The following ERC2 variants were observed in gnomAD, a reference collection of about 807,000 sequenced individuals.
The protein encoded by ERC2 is ELKS/RAB6-interacting/CAST family member 2, also known as ERC protein 2.
Under a neutral mutation model 114.8 loss-of-function variants are expected in ERC2, and 42 were observed. The observed-to-expected ratio is 0.37, with a 90% CI of 0.29 to 0.47. The LOEUF (loss-of-function observed/expected upper bound fraction) is 0.47, where lower values mean the gene tolerates loss of function less well. ERC2 is among the 20% of genes least tolerant of loss of function. The pLI is 0.99. For missense variants in ERC2, 939 were observed against 1,150.7 expected, an observed-to-expected ratio of 0.82 and a Z score of 2.66; for synonymous variants, 454 against 425.5, an observed-to-expected ratio of 1.07 and a Z score of -0.82.
In ERC2 at chr3:55,992,116, G is replaced by A. The variant is rs1207007057; in HGVS notation, c.2196C>T (p.Ile732=). ...TCTTCTCATTCTCCACCTCCTTGAG[G>A]ATCTCCAGCAACCGGTCCACTTCCG... ...AQAEVDRLLE[I]LKEVENEKND... The change falls in exon 11 of 18, where the codon ATC becomes ATT. Residue 732 remains isoleucine (I), a synonymous_variant. Transcript: ENST00000288221. The A allele has an allele frequency of 1.2e-6, 2 of 1,613,738 alleles. No individual in the cohort carries two copies. The highest frequency in any genetic ancestry group is 2.7e-5 in the African/African-American group (2 of 74,852).
chr3:55,836,874 C>A (rs2060912426), intron 14 of ERC2, among the ~76,000 whole-genome samples: 1 of 152,118 alleles, frequency 6.6e-6, no homozygotes, highest in South Asian at 2.1e-4. Context: ...GGGCTGATAT[C>A]CAGAATCTAC....
intron 2 of ERC2, among the ~76,000 whole-genome samples, chr3:56,314,271 C>T (rs1048913496): frequency 2.6e-5 from 4 of 152,030 alleles, no homozygotes; most frequent in African/African-American, 4.8e-5. Context: ...AGGTTATTTT[C>T]GCTAAACCTC....
intron 7 of ERC2, among the ~76,000 whole-genome samples, chr3:56,071,275 TGGAAAGAA>T (rs902686878): frequency 6.6e-6 from 1 of 152,090 alleles, no homozygotes; most frequent in Non-Finnish European, 1.5e-5. Flanking sequence ...CATAGGGACA[TGGAAAGAA>T]GGAAAGGAAA....
intron 14 of ERC2, among the ~76,000 whole-genome samples, chr3:55,855,710 A>G (rs1285152041): frequency 6.6e-6 from 1 of 152,258 alleles, no homozygotes; most frequent in Non-Finnish European, 1.5e-5. Flanking sequence ...AGGAAACTAT[A>G]TAGCTTATTA....
At chr3:56,443,468 T>C (rs1878267) in intron 1 of ERC2, among the ~76,000 whole-genome samples, 52,084 of 152,040 alleles carry the variant, frequency 0.34, 9,269 homozygotes, top group Admixed American at 0.48. Context: ...CATAGAGTGA[T>C]ACCAATGTCA....
At chr3:55,632,519 C>T (rs1575847363) in intron 17 of ERC2, among the ~76,000 whole-genome samples, 2 of 152,176 alleles carry the variant, frequency 1.3e-5, no homozygotes, top group Non-Finnish European at 2.9e-5. Context: ...TCTCTATTCT[C>T]TTAAGTTTGG....
chr3:55,613,913 G>GCCC (rs1019540283), intron 17 of ERC2, among the ~76,000 whole-genome samples: 2 of 145,764 alleles, frequency 1.4e-5, no homozygotes, highest in African/African-American at 5.1e-5. Flanking sequence ...AACTCAGGAG[G>GCCC]CAGAGGTTGC....
In ERC2 at chr3:55,775,254, G is replaced by C. The variant is rs181244622; in HGVS notation, c.2565-40336C>G. On this transcript the variant is annotated intron_variant, in intron 14 of 17. Transcript: ENST00000288221. ...GAAAAAGAAAGAGAGAGTGGGGGTC[G>C]GGTGTGGTAGCTCACACCTGTAATC... Among the ~76,000 whole-genome samples, 43 of 152,230 alleles carry C rather than the reference G, an allele frequency of 2.8e-4. 1 individual carries two copies. The highest frequency in any genetic ancestry group is 5.1e-4 in the Non-Finnish European group (35 of 68,018).
chr3:55,970,538 A>G (rs916597140), intron 12 of ERC2, among the ~76,000 whole-genome samples: 3 of 152,160 alleles, frequency 2.0e-5, no homozygotes, highest in African/African-American at 7.2e-5. Flanking sequence ...GAATTTGAAT[A>G]GACATTTCTC....
At chr3:56,172,740 A>G (rs1294351341) in intron 4 of ERC2, among the ~76,000 whole-genome samples, 1 of 152,192 alleles carries the variant, frequency 6.6e-6, no homozygotes, top group African/African-American at 2.4e-5. Context: ...AAAGATTTTA[A>G]ATTTCTAGAT....
chr3:56,455,748 G>C (rs9873381), intron 1 of ERC2, among the ~76,000 whole-genome samples: 1 of 151,874 alleles, frequency 6.6e-6, no homozygotes, highest in African/African-American at 2.4e-5. Context: ...GATAAACTAC[G>C]TCTCTCAGTT....
intron 17 of ERC2, among the ~76,000 whole-genome samples, chr3:55,663,373 G>C (rs2061220540): frequency 6.6e-6 from 1 of 152,252 alleles, no homozygotes; most frequent in Admixed American, 6.5e-5. Flanking sequence ...CCCTTCATCA[G>C]TGAAGTGGGG....
chr3:55,895,957 C>T (rs950721927), intron 13 of ERC2, among the ~76,000 whole-genome samples: 5 of 152,162 alleles, frequency 3.3e-5, no homozygotes, highest in African/African-American at 7.2e-5. Flanking sequence ...GCCCTATGTT[C>T]GCTGCCACCC....
chr3:55,851,755 G>GA lies in ERC2; in HGVS notation c.2564+36633dup, dbSNP rs201244991. ...AGTTGACCACAACAAAACTGCATGA[G>GA]AAAAAAAAAAAAAGAATCCTTTGGA... On this transcript the variant is annotated intron_variant, in intron 14 of 17. Coordinates refer to ENST00000288221, the MANE Select transcript of ERC2 (RefSeq NM_015576.3). Among the ~76,000 whole-genome samples the GA allele has an allele frequency of 7.7e-3, 1,071 of 138,416 alleles. 8 individuals are homozygous for GA. Among genetic ancestry groups the GA allele is most frequent in the African/African-American group, 0.024 (899 of 37,910 alleles). The allele number at this position is 138,416 out of a possible 152,430, so 90.8% of individuals were successfully genotyped here.
At chr3:56,401,849 A>G (rs938996638) in intron 2 of ERC2, among the ~76,000 whole-genome samples, 2 of 152,124 alleles carry the variant, frequency 1.3e-5, no homozygotes, top group African/African-American at 4.8e-5. Flanking sequence ...CTGTTCTCAC[A>G]CTGCTAATAC....
intron 12 of ERC2, among the ~76,000 whole-genome samples, chr3:55,952,198 C>CTCTATA (rs1339982987): frequency 9.2e-6 from 1 of 108,640 alleles, no homozygotes; most frequent in Non-Finnish European, 1.8e-5. Context: ...CTCTCTCTCT[C>CTCTATA]TATATATATA....
intron 12 of ERC2, among the ~76,000 whole-genome samples, chr3:55,979,957 T>C (rs1261553163): frequency 8.1e-5 from 12 of 148,726 alleles, no homozygotes; most frequent in African/African-American, 3.0e-4. Context: ...TCTTTTTTTT[T>C]CTTTTTTTTT....
rs2052021704 is a variant in ERC2, at chr3:55,510,817, T to A, written c.*499A>T. 1 of 152,220 alleles carries A rather than the reference T, an allele frequency of 6.6e-6. No homozygotes were observed. The highest frequency in any genetic ancestry group is 2.4e-5 in the African/African-American group (1 of 41,448). 9.4% of individuals were successfully genotyped at this position (152,220 alleles called of 1,614,324 possible). On this transcript the variant is annotated 3_prime_UTR_variant, in exon 18 of 18. Transcript: ENST00000288221. ...ACAGCGAATTTATACTTTTTGATAA[T>A]CTAATGCATTAGGAATGACCAATTA...
chr3:56,059,324 C>T (rs1560103931), intron 7 of ERC2, among the ~76,000 whole-genome samples: 1 of 152,018 alleles, frequency 6.6e-6, no homozygotes, highest in African/African-American at 2.4e-5. Flanking sequence ...CTCTTGACCT[C>T]GTGATCTGCC....
Sources: allele counts gnomAD v4.1 joint callset (sites outside exome capture counted in the v4.1 genomes callset), GRCh38; gene constraint gnomAD v4.1.1; transcripts MANE v1.5; gene names NCBI Gene and HGNC (gene_info 2026-07-23, HGNC 2026-07-21).